The following HEMK2 variants were observed in gnomAD, a reference collection of about 807,000 sequenced individuals.
HEMK2 encodes methyltransferase HEMK2.
the HEMK2 span, among the ~76,000 whole-genome samples, chr21:28,706,843 C>T: frequency 9.9e-5 from 15 of 152,158 alleles, no homozygotes; most frequent in African/African-American, 3.6e-4. Context: ...ACTGTATTTC[C>T]TTATTGTTCT....
chr21:28,606,848 T>C, the HEMK2 span, among the ~76,000 whole-genome samples: 1 of 152,236 alleles, frequency 6.6e-6, no homozygotes, highest in Admixed American at 6.5e-5. Context: ...GTATCTATGA[T>C]ATTTGGACAA....
chr21:28,605,136 T>G, the HEMK2 span, among the ~76,000 whole-genome samples: 1 of 152,216 alleles, frequency 6.6e-6, no homozygotes, highest in Non-Finnish European at 1.5e-5. Context: ...TCATAGCACC[T>G]CCACACAGCC....
At chr21:28,783,993 C>T in the HEMK2 span, among the ~76,000 whole-genome samples, 7 of 152,218 alleles carry the variant, frequency 4.6e-5, no homozygotes, top group African/African-American at 9.6e-5. Context: ...TGCCTCCCTG[C>T]GGGGCAGGGC....
At chr21:28,581,797 CT>C in the HEMK2 span, among the ~76,000 whole-genome samples, 2 of 152,196 alleles carry the variant, frequency 1.3e-5, no homozygotes, top group East Asian at 1.9e-4. Flanking sequence ...TTGCCCTGAA[CT>C]TTTGTTATCC....
chr21:28,876,614 T>A, the HEMK2 span: 1 of 573,584 alleles, frequency 1.7e-6, no homozygotes, highest in Non-Finnish European at 2.9e-6. Context: ...AAACAATGTA[T>A]ATCAAATAAA....
the HEMK2 span, among the ~76,000 whole-genome samples, chr21:28,596,052 AT>A: frequency 8.3e-6 from 1 of 120,688 alleles, no homozygotes; most frequent in Admixed American, 8.3e-5. Flanking sequence ...CCAATATTTT[AT>A]TTTTTTTGAG....
chr21:28,629,952 T>C, the HEMK2 span, among the ~76,000 whole-genome samples: 2 of 151,934 alleles, frequency 1.3e-5, no homozygotes, highest in Non-Finnish European at 2.9e-5. Flanking sequence ...TATATTATTT[T>C]ATTTAACTTT....
chr21:28,769,592 T>TTAATC, the HEMK2 span, among the ~76,000 whole-genome samples: 1 of 152,256 alleles, frequency 6.6e-6, no homozygotes, highest in Non-Finnish European at 1.5e-5. Context: ...CATAGATATT[T>TTAATC]TAATCCCTCT....
the HEMK2 span, among the ~76,000 whole-genome samples, chr21:28,787,773 G>A: frequency 6.6e-6 from 1 of 152,132 alleles, no homozygotes; most frequent in Non-Finnish European, 1.5e-5. Context: ...ATGCAAACTA[G>A]TACAGCCACT....
the HEMK2 span, among the ~76,000 whole-genome samples, chr21:28,680,638 T>C: frequency 4.4e-4 from 67 of 152,266 alleles, no homozygotes; most frequent in Non-Finnish European, 7.6e-4. Context: ...TGAACATTGA[T>C]GCAAAAATCC....
chr21:28,688,557 C>A, the HEMK2 span, among the ~76,000 whole-genome samples: 1 of 151,124 alleles, frequency 6.6e-6, no homozygotes, highest in African/African-American at 2.4e-5. Flanking sequence ...CTGCTTATCT[C>A]CAGGATCTAG....
chr21:28,673,514 T>A, the HEMK2 span, among the ~76,000 whole-genome samples: 1 of 119,472 alleles, frequency 8.4e-6, no homozygotes, highest in Non-Finnish European at 1.8e-5. Flanking sequence ...CATATGAATA[T>A]ATGACTTGAA....
At chr21:28,823,094 T>TGC in the HEMK2 span, among the ~76,000 whole-genome samples, 9 of 152,158 alleles carry the variant, frequency 5.9e-5, no homozygotes, top group Non-Finnish European at 1.0e-4. Context: ...GCTTGACAAA[T>TGC]GCACTGTAAT....
the HEMK2 span, among the ~76,000 whole-genome samples, chr21:28,802,639 G>A: frequency 3.3e-5 from 5 of 152,300 alleles, no homozygotes; most frequent in Non-Finnish European, 7.3e-5. Context: ...GCAGAGGCAG[G>A]GGAATCACTT....
At chr21:28,693,040 T>C in the HEMK2 span, among the ~76,000 whole-genome samples, 2 of 152,088 alleles carry the variant, frequency 1.3e-5, no homozygotes, top group African/African-American at 4.8e-5. Flanking sequence ...TGGGTTTCTT[T>C]GTGGGGTGAT....
chr21:28,693,061 T>C, the HEMK2 span, among the ~76,000 whole-genome samples: 2 of 152,144 alleles, frequency 1.3e-5, no homozygotes, highest in African/African-American at 4.8e-5. Flanking sequence ...GAAAATATTC[T>C]GGAATTAGAT....
the HEMK2 span, among the ~76,000 whole-genome samples, chr21:28,820,008 T>A: frequency 1.3e-5 from 2 of 152,186 alleles, no homozygotes; most frequent in African/African-American, 4.8e-5. Context: ...GTGATATGAA[T>A]TCATGGGTTA....
At chr21:28,603,654 C>T in the HEMK2 span, among the ~76,000 whole-genome samples, 176 of 147,794 alleles carry the variant, frequency 1.2e-3, no homozygotes, top group African/African-American at 4.0e-3. Context: ...ACTGTTTTTG[C>T]ATTTCCTTCT....
chr21:28,784,855 C>G, the HEMK2 span, among the ~76,000 whole-genome samples: 2 of 152,212 alleles, frequency 1.3e-5, no homozygotes, highest in African/African-American at 4.8e-5. Context: ...AGATCCCCTT[C>G]CACAATGTGG....
Sources: gnomAD v4.1 joint callset for allele counts (sites outside exome capture counted in the v4.1 genomes callset) on GRCh38, gnomAD v4.1.1 for gene constraint, MANE v1.5 for transcripts, NCBI Gene and HGNC (gene_info 2026-07-23, HGNC 2026-07-21) for gene names.